Variants in DGKI observed in about 807,000 individuals in gnomAD.
DGKI encodes the protein diacylglycerol kinase iota.
In DGKI, 55 loss-of-function variants were observed where a neutral mutation model predicts 147.5. The observed-to-expected ratio is 0.37, with a 90% confidence interval of 0.30 to 0.47. The LOEUF (loss-of-function observed/expected upper bound fraction) is 0.47, where lower values mean the gene tolerates loss of function less well. Ranked by LOEUF, DGKI falls within the 20% of genes least tolerant of loss-of-function variation. The pLI, the probability that DGKI is intolerant of heterozygous loss-of-function variation, is 1.00. For missense variants in DGKI, 1,007 were observed against 1,323.8 expected (o/e 0.76, Z 3.71); for synonymous variants, 469 against 477.1 (o/e 0.98, Z 0.22).
chr7:137,638,567 C>CACACATATGTATATATACACATATAT lies in DGKI; in HGVS notation c.804+6904_804+6905insATATATGTGTATATATACATATGTGT, dbSNP rs1821468946. Among the ~76,000 whole-genome samples the CACACATATGTATATATACACATATAT allele has an allele frequency of 3.9e-4, 13 of 33,134 alleles. No individual in the cohort carries two copies. In the East Asian group the frequency reaches 8.6e-3, roughly 22 times the overall value. The allele number at this position is 33,134 out of a possible 152,430, so 21.7% of individuals were successfully genotyped here. A position where few individuals can be genotyped will look rare whatever the true frequency, so the allele number is the denominator to read the frequency against. On this transcript the variant is annotated intron_variant, in intron 6 of 32. Coordinates refer to ENST00000614521, the MANE Select transcript of DGKI (RefSeq NM_001321708.2). ...ATATATATGTGTGTATATATATACA[C>CACACATATGTATATATACACATATAT]ACATATATGTATATATACACATATA...
chr7:137,769,161 A>G (rs1200645722), intron 1 of DGKI, among the ~76,000 whole-genome samples: 1 of 152,180 alleles, frequency 6.6e-6, no homozygotes, highest in Non-Finnish European at 1.5e-5. Flanking sequence ...CTTCTGCGAC[A>G]CCCAAGGGAG....
At chr7:137,486,241 T>G (rs1231839951) in intron 22 of DGKI, among the ~76,000 whole-genome samples, 1 of 152,140 alleles carries the variant, frequency 6.6e-6, no homozygotes, top group Non-Finnish European at 1.5e-5. Context: ...ATTGGTGCAT[T>G]AAGCATGCTA....
intron 1 of DGKI, among the ~76,000 whole-genome samples, chr7:137,726,105 A>G (rs1427170266): frequency 6.6e-6 from 1 of 152,120 alleles, no homozygotes; most frequent in African/African-American, 2.4e-5. Context: ...ATCCTTTATA[A>G]CTACCATGCA....
At chr7:137,669,872 C>T (rs977151016) in intron 3 of DGKI, among the ~76,000 whole-genome samples, 10 of 152,086 alleles carry the variant, frequency 6.6e-5, no homozygotes, top group Non-Finnish European at 1.3e-4. Context: ...GGATCAGAGA[C>T]GAGTATGAGT....
intron 1 of DGKI, among the ~76,000 whole-genome samples, chr7:137,726,637 G>A (rs1048263638): frequency 6.6e-6 from 1 of 152,140 alleles, no homozygotes. Context: ...GTTCTTCCAC[G>A]GAGTGATCAA....
intron 21 of DGKI, among the ~76,000 whole-genome samples, chr7:137,521,394 A>G (rs1816955428): frequency 6.6e-6 from 1 of 152,074 alleles, no homozygotes; most frequent in Admixed American, 6.6e-5. Context: ...ATATCACAAC[A>G]TTCCCGTAGG....
intron 20 of DGKI, chr7:137,545,910 A>G (rs1258041116): frequency 1.4e-6 from 1 of 702,704 alleles, no homozygotes; most frequent in Non-Finnish European, 2.6e-6. Context: ...ATGGTGAAGG[A>G]GCCGGGGGGA....
chr7:137,663,216 T>C (rs1477836695), intron 3 of DGKI, among the ~76,000 whole-genome samples: 2 of 152,166 alleles, frequency 1.3e-5, no homozygotes, highest in Non-Finnish European at 2.9e-5. Flanking sequence ...GAAGCTTCTG[T>C]CCTTGCAAGA....
intron 6 of DGKI, among the ~76,000 whole-genome samples, chr7:137,639,638 G>A (rs1821550456): frequency 6.6e-6 from 1 of 152,144 alleles, no homozygotes; most frequent in Non-Finnish European, 1.5e-5. Flanking sequence ...GCAGCAGCCA[G>A]AAGAAGGTAG....
At chr7:137,585,171 T>C (rs1819342650) in intron 14 of DGKI, 38 bp downstream of exon 14, 4 of 1,612,116 alleles carry the variant, frequency 2.5e-6, no homozygotes, top group Non-Finnish European at 3.4e-6. Context: ...AGGCAGATGC[T>C]CCAGGGCTCC....
At chr7:137,417,845 T>C (rs563070863) in intron 28 of DGKI, among the ~76,000 whole-genome samples, 1 of 152,280 alleles carries the variant, frequency 6.6e-6, no homozygotes, top group Non-Finnish European at 1.5e-5. Context: ...TGCTTTCCCA[T>C]TATGTGAGGA....
intron 1 of DGKI, among the ~76,000 whole-genome samples, chr7:137,704,360 T>C (rs984449475): frequency 6.6e-6 from 1 of 151,970 alleles, no homozygotes; most frequent in Non-Finnish European, 1.5e-5. Flanking sequence ...GTTAAAAATA[T>C]CAAAACTGAA....
chr7:137,741,277 C>T (rs1325643838), intron 1 of DGKI, among the ~76,000 whole-genome samples: 2 of 152,240 alleles, frequency 1.3e-5, no homozygotes, highest in Non-Finnish European at 2.9e-5. Flanking sequence ...CTCTTCCGTA[C>T]ATAAACATCA....
intron 6 of DGKI, among the ~76,000 whole-genome samples, chr7:137,634,219 G>T (rs958167963): frequency 5.3e-5 from 8 of 152,176 alleles, no homozygotes; most frequent in Non-Finnish European, 8.8e-5. Context: ...TTTATTGGAT[G>T]ACATTAAATG....
chr7:137,778,293 G>A (rs771516315), intron 1 of DGKI, among the ~76,000 whole-genome samples: 1 of 152,176 alleles, frequency 6.6e-6, no homozygotes, highest in Non-Finnish European at 1.5e-5. Flanking sequence ...TAAGGGAAGG[G>A]TGTGTCTAGG....
At chr7:137,417,549 T>G (rs549223134) in intron 28 of DGKI, among the ~76,000 whole-genome samples, 1 of 152,184 alleles carries the variant, frequency 6.6e-6, no homozygotes, top group Non-Finnish European at 1.5e-5. Flanking sequence ...AGTCTGGATG[T>G]GCTCAGACAT....
intron 1 of DGKI, among the ~76,000 whole-genome samples, chr7:137,822,765 TAAAAG>T (rs1256035973): frequency 6.6e-6 from 1 of 150,714 alleles, no homozygotes; most frequent in African/African-American, 2.4e-5. Flanking sequence ...CCTCAATGAA[TAAAAG>T]AAGATATTAA....
At chr7:137,744,713 A>G (rs1163551791) in intron 1 of DGKI, among the ~76,000 whole-genome samples, 1 of 152,200 alleles carries the variant, frequency 6.6e-6, no homozygotes, top group Non-Finnish European at 1.5e-5. Context: ...GTCAGCTTTA[A>G]TCCTGGGATG....
intron 19 of DGKI, among the ~76,000 whole-genome samples, chr7:137,569,660 T>C (rs565788165): frequency 5.3e-5 from 7 of 131,502 alleles, no homozygotes; most frequent in South Asian, 2.4e-4. Context: ...ACCCAGGAGG[T>C]AGAGCTTGCA....
Sources: gnomAD v4.1 joint callset for allele counts (sites outside exome capture counted in the v4.1 genomes callset) on GRCh38, gnomAD v4.1.1 for gene constraint, MANE v1.5 for transcripts, NCBI Gene and HGNC (gene_info 2026-07-23, HGNC 2026-07-21) for gene names.